TRAPPC12: variants seen among roughly 807,000 people sequenced by gnomAD.
The protein encoded by TRAPPC12 is trafficking protein particle complex subunit 12.
In TRAPPC12, 61 loss-of-function variants were observed where a neutral mutation model predicts 69.2. The ratio of observed to expected loss-of-function variants is 0.88; its 90% CI spans 0.72 to 1.09. The LOEUF (loss-of-function observed/expected upper bound fraction) is 1.09, where lower values mean the gene tolerates loss of function less well. Ranked by LOEUF, TRAPPC12 falls within the 50% of genes least tolerant of loss-of-function variation. The probability of loss-of-function intolerance (pLI) is 0.00; values close to 1 mark genes in which losing one functional copy is unlikely to be tolerated. For synonymous variants in TRAPPC12, 469 were observed against 438.9 expected (o/e 1.07, Z -0.86); for missense variants, 1,101 against 1,016.4 (o/e 1.08, Z -1.13).
chr2:3,424,999 G>A (rs376231615), intron 5 of TRAPPC12, among the ~76,000 whole-genome samples: 6 of 152,160 alleles, frequency 3.9e-5, no homozygotes, highest in African/African-American at 7.2e-5. Flanking sequence ...GGGACCTGGC[G>A]CACAGAGATG....
intron 2 of TRAPPC12, chr2:3,389,738 T>C: frequency 2.1e-6 from 1 of 471,106 alleles, no homozygotes; most frequent in East Asian, 7.0e-5. Flanking sequence ...TGAGTTCTTG[T>C]CCTGCCTCCA....
In TRAPPC12 at chr2:3,440,852, G is replaced by A. The variant is rs531958607; in HGVS notation, c.1418-2927G>A. Among the ~76,000 whole-genome samples, 344 of 152,288 alleles carry A rather than the reference G, an allele frequency of 2.3e-3. 1 individual carries two copies. The highest frequency in any genetic ancestry group is 3.0e-3 in the Non-Finnish European group (201 of 68,010). ...AGTTTCCCTCTATTCCTAGTTGGCTGAGAGTTTTTATCACGAGCTGGTGCT... is the reference window on the plus strand; with the variant it reads ...AGTTTCCCTCTATTCCTAGTTGGCTAAGAGTTTTTATCACGAGCTGGTGCT... On this transcript the variant is annotated intron_variant, in intron 5 of 11. Transcript: ENST00000324266.
intron 8 of TRAPPC12, among the ~76,000 whole-genome samples, chr2:3,461,598 A>G (rs954512643): frequency 3.9e-5 from 6 of 152,216 alleles, no homozygotes; most frequent in African/African-American, 1.4e-4. Context: ...CACTGGATAA[A>G]GGAAATTACG....
chr2:3,448,715 G>T (rs56183164), intron 6 of TRAPPC12, among the ~76,000 whole-genome samples: 3,130 of 64,204 alleles, frequency 0.049, no homozygotes, highest in East Asian at 0.062. Context: ...GTAGGGCGTG[G>T]AGAGCAGCCG....
At position 3,411,725 on chromosome 2, in the gene TRAPPC12, A is replaced by G. The variant is rs572478030; in HGVS notation, c.1164+9832A>G. 3.9e-5 allele frequency among the ~76,000 whole-genome samples: 6 copies of G among 152,350 alleles called. No homozygotes were observed. The South Asian group carries it at 1.2e-3, about 32-fold the overall frequency. Reference sequence around the variant, plus strand: ...AGCCACATAATCTGAAGTTATTGTAAATAATCTTAAGATGAACTGTCTTAT... The same window carrying G: ...AGCCACATAATCTGAAGTTATTGTAGATAATCTTAAGATGAACTGTCTTAT... On this transcript the variant is annotated intron_variant, in intron 3 of 11. Coordinates refer to ENST00000324266, the MANE Select transcript of TRAPPC12 (RefSeq NM_016030.6).
chr2:3,387,797 C>T lies in TRAPPC12; in HGVS notation c.174C>T (p.Leu58=). ...NETASEGSSP[L]ADKLNEHMME... is the part of the protein sequence containing the mutation. ...CCGCATCGGAAGGCTCGAGTCCTCT[C>T]GCGGACAAGCTGAACGAACACATGA... is the stretch of plus-strand genomic sequence containing the variant. The change falls in exon 2 of 12, where the codon CTC becomes CTT. Residue 58 remains leucine (L), a synonymous_variant. Coordinates refer to ENST00000324266, the MANE Select transcript of TRAPPC12 (RefSeq NM_016030.6). 6.2e-7 allele frequency: 1 copy of T among 1,613,482 alleles called. No homozygotes were observed. The highest frequency in any genetic ancestry group is 1.7e-5 in the Admixed American group (1 of 60,002).
intron 11 of TRAPPC12, 24 bp downstream of exon 11, chr2:3,478,957 C>T (rs1666422446): frequency 2.5e-6 from 4 of 1,606,150 alleles, no homozygotes; most frequent in Non-Finnish European, 3.4e-6. Flanking sequence ...GCTGCAGGAT[C>T]CTCCATCCTC....
chr2:3,462,786 A>T, intron 8 of TRAPPC12: 1 of 415,992 alleles, frequency 2.4e-6, no homozygotes, highest in Admixed American at 2.7e-5. Flanking sequence ...GGTGCCTGCC[A>T]CCTTAGGTGG....
intron 5 of TRAPPC12, among the ~76,000 whole-genome samples, chr2:3,428,954 G>A (rs1327805130): frequency 6.6e-6 from 1 of 152,120 alleles, no homozygotes; most frequent in Non-Finnish European, 1.5e-5. Context: ...CTCTTCTACT[G>A]CATTCGTTGC....
At chr2:3,401,756 T>G (rs761095821) in intron 2 of TRAPPC12, 21 bp from the exon 3 acceptor site, 2 of 1,500,000 alleles carry the variant, frequency 1.3e-6, no homozygotes, top group Non-Finnish European at 1.8e-6. Flanking sequence ...TCTTGACATA[T>G]TTTTCTTCTA....
chr2:3,433,854 T>G (rs1240891046), intron 5 of TRAPPC12, among the ~76,000 whole-genome samples: 1 of 152,220 alleles, frequency 6.6e-6, no homozygotes, highest in Non-Finnish European at 1.5e-5. Context: ...CTAGGAATTG[T>G]TTTTCCTTAC....
In TRAPPC12 at chr2:3,466,133, G is replaced by A. The variant is rs139759866; in HGVS notation, c.1776+438G>A. On this transcript the variant is annotated intron_variant, in intron 9 of 11. Transcript: ENST00000324266. Reference sequence around the variant, plus strand: ...TCTCAGTAATGCACAAAGCTCGGCAGGACCCCCTTTGCTAAGAATGTCCTT... The same window carrying A: ...TCTCAGTAATGCACAAAGCTCGGCAAGACCCCCTTTGCTAAGAATGTCCTT... The A allele has an allele frequency of 9.5e-4, 388 of 408,600 alleles. 1 individual carries two copies. Among genetic ancestry groups the A allele is most frequent in the African/African-American group, 7.4e-3 (363 of 48,746 alleles). The allele number at this position is 408,600 out of a possible 1,614,324, so 25.3% of individuals were successfully genotyped here. A position where few individuals can be genotyped will look rare whatever the true frequency, so the allele number is the denominator to read the frequency against.
chr2:3,423,354 A>G (rs1310802512), intron 4 of TRAPPC12, among the ~76,000 whole-genome samples: 5 of 124,756 alleles, frequency 4.0e-5, no homozygotes, highest in Non-Finnish European at 5.2e-5. Flanking sequence ...GTGTGTGTGT[A>G]ATGAGAACAC....
chr2:3,457,998 C>T (rs1665260074), intron 7 of TRAPPC12: 1 of 1,216,518 alleles, frequency 8.2e-7, no homozygotes. Flanking sequence ...AGGAAGGAGC[C>T]CAGCCCAGCC....
At chr2:3,446,743 C>A (rs1664529046) in intron 6 of TRAPPC12, among the ~76,000 whole-genome samples, 1 of 152,252 alleles carries the variant, frequency 6.6e-6, no homozygotes. Context: ...TTTGTTCATG[C>A]AGCAAATGCC....
In TRAPPC12 at chr2:3,388,329, A is replaced by T. The variant is rs1195856618; in HGVS notation, c.706A>T (p.Ser236Cys). 1.2e-6 allele frequency: 2 copies of T among 1,601,290 alleles called. No homozygotes were observed. The highest frequency in any genetic ancestry group is 2.7e-5 in the African/African-American group (2 of 73,294). The change falls in exon 2 of 12, where the codon AGC becomes TGC. Residue 236 changes from serine (S) to cysteine (C), a missense_variant. Transcript: ENST00000324266. ...TACTACCTCCGCCTTCATTTCCGTC[A>T]GCAATCCCGGCGCGGGCTCCCCGGC... ...SFTTSAFISV[S>C]NPGAGSPAPA...
intron 2 of TRAPPC12, among the ~76,000 whole-genome samples, chr2:3,390,886 C>G (rs376690563): frequency 1.3e-5 from 2 of 151,990 alleles, no homozygotes; most frequent in East Asian, 3.8e-4. Flanking sequence ...CGCAGCAAAC[C>G]TAAAAGTCCT....
At position 3,478,826 on chromosome 2, in the gene TRAPPC12, C is replaced by T; in HGVS notation, c.1878-20C>T. ...CTCCTGGGCTTTCCCCGCTAACTGC[C>T]ACCGTTGCTTGTGTTACAGCGCGTT... is the stretch of plus-strand genomic sequence containing the variant. On this transcript the variant is annotated intron_variant, in intron 10 of 11. Coordinates refer to ENST00000324266, the MANE Select transcript of TRAPPC12 (RefSeq NM_016030.6). The T allele has an allele frequency of 6.2e-7, 1 of 1,612,234 alleles. No homozygotes were observed. Among genetic ancestry groups the T allele is most frequent in the South Asian group, 1.1e-5 (1 of 91,016 alleles).
At chr2:3,383,651 C>T (rs905250360) in intron 1 of TRAPPC12, among the ~76,000 whole-genome samples, 2 of 151,842 alleles carry the variant, frequency 1.3e-5, no homozygotes, top group Non-Finnish European at 2.9e-5. Flanking sequence ...GTGATACGCC[C>T]GCCCCGGCCT....
Sources: gnomAD v4.1 joint callset for allele counts (sites outside exome capture counted in the v4.1 genomes callset) on GRCh38, gnomAD v4.1.1 for gene constraint, MANE v1.5 for transcripts, NCBI Gene and HGNC (gene_info 2026-07-23, HGNC 2026-07-21) for gene names.